The following ZNF532 variants were observed in gnomAD, a reference collection of about 807,000 sequenced individuals.
ZNF532 encodes the protein zinc finger protein 532.
ZNF532 carries 22 observed loss-of-function variants against 89.3 expected under a neutral mutation model. The ratio of observed to expected loss-of-function variants is 0.25; its 90% confidence interval spans 0.18 to 0.35. The LOEUF (loss-of-function observed/expected upper bound fraction) is 0.35. ZNF532 is among the 10% of genes least tolerant of loss of function. The pLI is 1.00. For missense variants in ZNF532, 1,132 were observed against 1,643.4 expected (o/e 0.69, Z 5.38); for synonymous variants, 606 against 649.6 (o/e 0.93, Z 1.02).
intron 2 of ZNF532, among the ~76,000 whole-genome samples, chr18:58,866,359 G>A (rs894456658): frequency 6.6e-5 from 10 of 152,218 alleles, no homozygotes; most frequent in African/African-American, 2.4e-4. Context: ...AAGGAGTGAG[G>A]AGAGTAGCAA....
chr18:58,930,499 G>A (rs549465855), intron 3 of ZNF532, among the ~76,000 whole-genome samples: 74 of 152,114 alleles, frequency 4.9e-4, no homozygotes, highest in African/African-American at 1.6e-3. Flanking sequence ...ATGGCGGTGC[G>A]TGCCTGCAGT....
intron 2 of ZNF532, among the ~76,000 whole-genome samples, chr18:58,893,268 T>C (rs966121194): frequency 1.1e-4 from 16 of 152,222 alleles, no homozygotes; most frequent in African/African-American, 3.6e-4. Context: ...GTTATGTACT[T>C]TAAAGAATAA....
intron 5 of ZNF532, among the ~76,000 whole-genome samples, chr18:58,947,340 AG>A (rs1157854907): frequency 6.6e-6 from 1 of 152,112 alleles, no homozygotes; most frequent in African/African-American, 2.4e-5. Flanking sequence ...GATGGGCAGG[AG>A]GGATTATGTT....
At position 58,919,068 on chromosome 18, in the gene ZNF532, A is replaced by T. The variant is rs373997392; in HGVS notation, c.781A>T (p.Thr261Ser). The T allele has an allele frequency of 1.9e-6, 3 of 1,614,004 alleles. No homozygotes were observed. The highest frequency in any genetic ancestry group is 2.5e-6 in the Non-Finnish European group (3 of 1,180,040). Residue 261 changes from threonine (T) to serine (S), a missense_variant, in exon 3 of 10, where the codon ACA becomes TCA. By Grantham distance (58) the Thr-to-Ser change is moderately conservative. Around this residue, in one of 9 missense-constraint regions of ZNF532, gnomAD observed 302 missense variants for 319.8 expected, o/e 0.94. Coordinates refer to ENST00000591808, the MANE Select transcript of ZNF532 (RefSeq NM_001375912.1). The surrounding 1 kb of genome is among the most constrained non-coding windows in gnomAD (Gnocchi z 6.1). ...CCTCCCCAGCGTTGCGCCATCAAAG[A>T]CAAAGTCGTCCTCCAAGCTCTCGTC... is the stretch of plus-strand genomic sequence containing the variant. ...TSLPSVAPSKTKSSSKLSSCI... is the reference protein window; with the variant it reads ...TSLPSVAPSKSKSSSKLSSCI...
At chr18:58,905,040 C>T (rs2059843113) in intron 2 of ZNF532, among the ~76,000 whole-genome samples, 1 of 152,058 alleles carries the variant, frequency 6.6e-6, no homozygotes, top group African/African-American at 2.4e-5. Flanking sequence ...CAGGGTTTCA[C>T]CATGTTGGCC....
intron 9 of ZNF532, among the ~76,000 whole-genome samples, chr18:58,983,166 G>A (rs911584563): frequency 6.6e-6 from 1 of 152,164 alleles, no homozygotes; most frequent in Non-Finnish European, 1.5e-5. Flanking sequence ...ACGTGTGAAG[G>A]TGCACATGAA....
At chr18:58,865,950 C>G (rs1277297156) in intron 2 of ZNF532, among the ~76,000 whole-genome samples, 1 of 152,174 alleles carries the variant, frequency 6.6e-6, no homozygotes, top group Middle Eastern at 3.2e-3. Context: ...TTCACCAAAT[C>G]GAGGCAGCCT....
At chr18:58,872,447 G>A (rs2057065240) in intron 2 of ZNF532, among the ~76,000 whole-genome samples, 1 of 152,098 alleles carries the variant, frequency 6.6e-6, no homozygotes, top group South Asian at 2.1e-4. Context: ...TCTTTCTAGG[G>A]ATTTCAATAG....
intron 4 of ZNF532, among the ~76,000 whole-genome samples, 178 bp from the exon 5 acceptor site, chr18:58,939,267 A>AAC (rs1405739996): frequency 2.7e-5 from 4 of 149,950 alleles, no homozygotes; most frequent in African/African-American, 7.3e-5. Context: ...AAAAAAAAAA[A>AAC]AAAAAAAACC....
chr18:58,982,283 G>A (rs983541690), intron 9 of ZNF532, among the ~76,000 whole-genome samples: 1 of 151,904 alleles, frequency 6.6e-6, no homozygotes, highest in East Asian at 1.9e-4. Flanking sequence ...AAACCTGGGG[G>A]ACAAGAGCAG....
chr18:58,908,405 C>T (rs573945486), intron 2 of ZNF532, among the ~76,000 whole-genome samples: 4 of 152,148 alleles, frequency 2.6e-5, no homozygotes, highest in South Asian at 2.1e-4. Flanking sequence ...TAATAAATGA[C>T]GAGAGTGTAG....
intron 2 of ZNF532, among the ~76,000 whole-genome samples, chr18:58,881,434 G>A (rs2057917553): frequency 6.6e-6 from 1 of 152,166 alleles, no homozygotes; most frequent in South Asian, 2.1e-4. Flanking sequence ...CACCCAGCCT[G>A]TTTTACTTCT....
At chr18:58,905,907 G>C (rs576100795) in intron 2 of ZNF532, among the ~76,000 whole-genome samples, 2 of 152,242 alleles carry the variant, frequency 1.3e-5, no homozygotes, top group African/African-American at 2.4e-5. Flanking sequence ...CAGTTGTAAG[G>C]AATACTGGTC....
At chr18:58,864,783 T>C (rs542457160), upstream of ZNF532, 1 of 152,438 alleles carries the variant, frequency 6.6e-6, no homozygotes, top group East Asian at 1.9e-4. Context: ...CAGCGAGGGT[T>C]GCCATAGCTT....
At chr18:58,905,927 G>A (rs1295211163) in intron 2 of ZNF532, among the ~76,000 whole-genome samples, 5 of 152,148 alleles carry the variant, frequency 3.3e-5, no homozygotes, top group Admixed American at 3.3e-4. Flanking sequence ...CAGGGATGTT[G>A]TAGGAGGTCC....
chr18:58,937,378 C>G (rs2062569915), intron 4 of ZNF532, among the ~76,000 whole-genome samples: 1 of 152,040 alleles, frequency 6.6e-6, no homozygotes, highest in African/African-American at 2.4e-5. Context: ...TTTAAAATAC[C>G]CTGCTTTCGT....
intron 6 of ZNF532, among the ~76,000 whole-genome samples, chr18:58,952,213 C>T (rs1244632971): frequency 1.3e-5 from 2 of 152,138 alleles, no homozygotes; most frequent in Non-Finnish European, 2.9e-5. Flanking sequence ...CTCTGTGACC[C>T]AGGGGAACTC....
At chr18:58,964,727 C>T (rs946346740) in intron 7 of ZNF532, among the ~76,000 whole-genome samples, 1 of 151,902 alleles carries the variant, frequency 6.6e-6, no homozygotes, top group African/African-American at 2.4e-5. Context: ...GCAGGGACTA[C>T]AGGTGAACAC....
rs2146065107 is a variant in ZNF532 at position 58,919,017 on chromosome 18, C to G, written c.730C>G (p.Leu244Val). Residue 244 changes from leucine to valine, a missense_variant, in exon 3 of 10, where the codon CTG (leucine) becomes GTG (valine). Coordinates refer to ENST00000591808, the MANE Select transcript of ZNF532 (RefSeq NM_001375912.1). The surrounding 1 kb of genome is among the most constrained non-coding windows in gnomAD (Gnocchi z 6.1). ...GGAAAACAGAGTCCTAGATGGGAAGCTGAGCTCCGAGAAGAATGACACCAG... is the reference window on the plus strand; with the variant it reads ...GGAAAACAGAGTCCTAGATGGGAAGGTGAGCTCCGAGAAGAATGACACCAG... ...VLENRVLDGK[L>V]SSEKNDTSLP... The G allele has an allele frequency of 6.2e-7, 1 of 1,613,572 alleles. No homozygotes were observed. The highest frequency in any genetic ancestry group is 2.2e-5 in the East Asian group (1 of 44,872).
Sources: allele counts gnomAD v4.1 joint callset (sites outside exome capture counted in the v4.1 genomes callset), GRCh38; gene constraint gnomAD v4.1.1; regional missense constraint gnomAD v4.1.1; non-coding constraint Gnocchi (gnomAD v3.1); transcripts MANE v1.5; gene names NCBI Gene and HGNC (gene_info 2026-07-23, HGNC 2026-07-21).